EYA1: variants seen among roughly 807,000 people sequenced by gnomAD.
EYA1 encodes the protein protein phosphatase EYA1.
Under a neutral mutation model 82.0 loss-of-function variants are expected in EYA1, and 16 were observed. The observed-to-expected ratio is 0.20, with a 90% CI of 0.13 to 0.30. The LOEUF is 0.30. Ranked by LOEUF, EYA1 falls within the 10% of genes least tolerant of loss-of-function variation. The pLI is 1.00. For synonymous variants in EYA1, 261 were observed against 264.4 expected (o/e 0.99, Z 0.12); for missense variants, 633 against 730.7 (o/e 0.87, Z 1.54).
intron 2 of EYA1, among the ~76,000 whole-genome samples, chr8:71,370,344 A>G (rs985241335): frequency 6.7e-6 from 1 of 149,526 alleles, no homozygotes; most frequent in African/African-American, 2.5e-5. Flanking sequence ...ATCGGCCAGT[A>G]ATCAGTCACT....
chr8:71,206,023 A>G (rs1387805401), intron 17 of EYA1, among the ~76,000 whole-genome samples: 1 of 152,198 alleles, frequency 6.6e-6, no homozygotes, highest in African/African-American at 2.4e-5. Flanking sequence ...GCTAAAGCAC[A>G]TATCAGAATT....
intron 9 of EYA1, among the ~76,000 whole-genome samples, chr8:71,288,489 C>T (rs961664261): frequency 6.6e-6 from 1 of 152,106 alleles, no homozygotes; most frequent in African/African-American, 2.4e-5. Flanking sequence ...TTTCTGGATT[C>T]CTTATTTATA....
At chr8:71,493,896 G>A (rs1278831663) in intron 2 of EYA1, among the ~76,000 whole-genome samples, 2 of 146,320 alleles carry the variant, frequency 1.4e-5, no homozygotes, top group Non-Finnish European at 3.0e-5. Flanking sequence ...AGTGGCGGGC[G>A]CCTGTAGTCC....
chr8:71,443,651 C>T (rs75578980), intron 2 of EYA1, among the ~76,000 whole-genome samples: 3,133 of 152,212 alleles, frequency 0.021, 109 homozygotes, highest in African/African-American at 0.071. Context: ...TCAAAGAAAA[C>T]TCACATTTCC....
chr8:71,443,504 C>T (rs1255389629), intron 2 of EYA1, among the ~76,000 whole-genome samples: 1 of 152,164 alleles, frequency 6.6e-6, no homozygotes, highest in East Asian at 1.9e-4. Context: ...TGGTCTTGAA[C>T]CCCTGGCTTC....
At chr8:71,271,938 C>T (rs760436671) in intron 9 of EYA1, 41 bp from the exon 10 acceptor site, 17 of 1,611,158 alleles carry the variant, frequency 1.1e-5, no homozygotes, top group Middle Eastern at 3.3e-4. Context: ...TTATTTCCAT[C>T]ACCATGGTGC....
At chr8:71,491,994 T>C (rs957520386) in intron 2 of EYA1, among the ~76,000 whole-genome samples, 2 of 152,110 alleles carry the variant, frequency 1.3e-5, no homozygotes, top group Non-Finnish European at 2.9e-5. Flanking sequence ...TGGAAGGAAC[T>C]ACTGGGTTTA....
At chr8:71,490,436 A>T (rs1810906662) in intron 2 of EYA1, among the ~76,000 whole-genome samples, 1 of 152,228 alleles carries the variant, frequency 6.6e-6, no homozygotes, top group South Asian at 2.1e-4. Flanking sequence ...CCTACGCAAT[A>T]AACAGAACTA....
intron 2 of EYA1, among the ~76,000 whole-genome samples, chr8:71,508,713 T>C (rs1418277632): frequency 6.6e-6 from 1 of 152,120 alleles, no homozygotes; most frequent in Non-Finnish European, 1.5e-5. Context: ...ACACAGAATC[T>C]GCCGGCACCT....
At chr8:71,356,802 C>T (rs972964687) in intron 1 of EYA1, 26 of 1,063,104 alleles carry the variant, frequency 2.4e-5, no homozygotes, top group Non-Finnish European at 3.0e-5. Context: ...TACCCCTCCC[C>T]CAATCAACAT....
intron 12 of EYA1, among the ~76,000 whole-genome samples, chr8:71,242,170 C>T (rs940333287): frequency 6.6e-6 from 1 of 152,084 alleles, no homozygotes; most frequent in Non-Finnish European, 1.5e-5. Context: ...GGTGCCACTG[C>T]ACTCCAGCCT....
intron 3 of EYA1, among the ~76,000 whole-genome samples, chr8:71,345,579 TTAGG>T (rs751110132): frequency 4.6e-5 from 7 of 152,116 alleles, no homozygotes. Flanking sequence ...TTTTTTTAGT[TTAGG>T]TAAGTCCGAC....
chr8:71,256,890 A>G (rs1586032929), intron 11 of EYA1, among the ~76,000 whole-genome samples: 1 of 151,978 alleles, frequency 6.6e-6, no homozygotes, highest in South Asian at 2.1e-4. Context: ...TCCCAGCTAC[A>G]TGGGAGGCTG....
rs142104253 is a variant in EYA1 at position 71,271,838 on chromosome 8, G to A, written c.886C>T (p.Arg296Cys). The A allele has an allele frequency of 1.6e-5, 26 of 1,614,090 alleles. No homozygotes were observed. Among genetic ancestry groups the A allele is most frequent in the Admixed American group, 8.3e-5 (5 of 60,014 alleles). The part of the protein sequence containing the change: ...PIKDSDSDRL[R>C]RGSDGKSRGR... Reference sequence around the variant, plus strand: ...CGTGATTTCCCATCTGAACCTCGACGCAATCGATCAGAATCTGAATCTTTA... The same window carrying A: ...CGTGATTTCCCATCTGAACCTCGACACAATCGATCAGAATCTGAATCTTTA... The change falls in exon 10 of 18, where the codon CGT becomes TGT. Residue 296 changes from arginine to cysteine, a missense_variant. Coordinates refer to ENST00000340726, the MANE Select transcript of EYA1 (RefSeq NM_000503.6).
intron 17 of EYA1, 102 bp from the exon 18 acceptor site, chr8:71,199,522 C>T (rs557154589): frequency 2.7e-6 from 2 of 739,898 alleles, no homozygotes; most frequent in South Asian, 2.9e-5. Context: ...TTTTCAGTAT[C>T]ATTGAAATGC....
In EYA1 at chr8:71,198,093, C is replaced by CGAAA. The variant is rs1233221988; in HGVS notation, c.*1243_*1246dup. The CGAAA allele has an allele frequency of 3.9e-5, 6 of 152,162 alleles. No individual in the cohort carries two copies. Among genetic ancestry groups the CGAAA allele is most frequent in the Non-Finnish European group, 8.8e-5 (6 of 68,022 alleles). 9.4% of individuals were successfully genotyped at this position (152,162 alleles called of 1,614,324 possible). A position where few individuals can be genotyped will look rare whatever the true frequency, so the allele number is the denominator to read the frequency against. ...ATTAGCATCGTGTGTCTTCCTTTAT[C>CGAAA]GAAAGAAAATGCAGACACGATAATT... On this transcript the variant is annotated 3_prime_UTR_variant, in exon 18 of 18. Transcript: ENST00000340726.
chr8:71,219,762 G>T (rs926575968), intron 12 of EYA1, among the ~76,000 whole-genome samples: 7 of 152,182 alleles, frequency 4.6e-5, no homozygotes, highest in African/African-American at 1.7e-4. Context: ...TTAACCTGTT[G>T]TAAGTCCAGC....
intron 2 of EYA1, among the ~76,000 whole-genome samples, chr8:71,392,767 T>G (rs1829352863): frequency 6.6e-6 from 1 of 152,166 alleles, no homozygotes; most frequent in Non-Finnish European, 1.5e-5. Flanking sequence ...GCCACAGACT[T>G]ACCAAAAAAG....
At chr8:71,362,630 G>T (rs971431275), upstream of EYA1, among the ~76,000 whole-genome samples, 1 of 152,152 alleles carries the variant, frequency 6.6e-6, no homozygotes, top group East Asian at 1.9e-4. Context: ...AATAATGAAA[G>T]CCTGAAGGAT....
Sources: gnomAD v4.1 joint callset for allele counts (sites outside exome capture counted in the v4.1 genomes callset) on GRCh38, gnomAD v4.1.1 for gene constraint, MANE v1.5 for transcripts, NCBI Gene and HGNC (gene_info 2026-07-23, HGNC 2026-07-21) for gene names.